NOS1: variants seen among roughly 807,000 people sequenced by gnomAD.
The protein encoded by NOS1 is nitric oxide synthase 1, also known as NOS type I.
A neutral mutation model predicts 164.5 loss-of-function variants in NOS1; 51 were observed. The ratio of observed to expected loss-of-function variants is 0.31; its 90% CI spans 0.25 to 0.39. NOS1 has a LOEUF of 0.39. Among genes scored for constraint, NOS1 ranks in the 10% least tolerant of loss-of-function variants. The pLI is 1.00. For missense variants in NOS1, 1,362 were observed against 1,885.6 expected, an observed-to-expected ratio of 0.72 and a Z score of 5.14; for synonymous variants, 719 against 745.8, an observed-to-expected ratio of 0.96 and a Z score of 0.59.
intron 21 of NOS1, among the ~76,000 whole-genome samples, chr12:117,233,459 A>G (rs1015410051): frequency 1.3e-5 from 2 of 151,784 alleles, no homozygotes; most frequent in Admixed American, 1.3e-4. Flanking sequence ...CAGCCTCCCA[A>G]AGTATTGGGA....
intron 22 of NOS1, among the ~76,000 whole-genome samples, chr12:117,230,611 T>C (rs577659606): frequency 2.0e-5 from 3 of 152,298 alleles, no homozygotes; most frequent in South Asian, 2.1e-4. Flanking sequence ...GGAGCCCCCA[T>C]TGGGAGCAGC....
intron 3 of NOS1, among the ~76,000 whole-genome samples, chr12:117,305,998 G>A (rs1874127001): frequency 6.6e-6 from 1 of 151,924 alleles, no homozygotes; most frequent in Non-Finnish European, 1.5e-5. Context: ...CACCATGTTG[G>A]CCACACTGGT....
At chr12:117,281,837 G>GA (rs11423140) in intron 7 of NOS1, among the ~76,000 whole-genome samples, 100,641 of 131,858 alleles carry the variant, frequency 0.76, 37,301 homozygotes, top group East Asian at 0.82. Flanking sequence ...CTCAAAAAAA[G>GA]AAAAAAAAAA....
chr12:117,210,038 T>C lies in NOS1; in HGVS notation c.*5271A>G, dbSNP rs554722045. ...CTCAGGCTGGAGTGCAGTGGTGCGA[T>C]CCTAGCTCACTGTCGCCTCAAACTC... On this transcript the variant is annotated 3_prime_UTR_variant, in exon 29 of 29. Coordinates refer to ENST00000317775, the MANE Select transcript of NOS1 (RefSeq NM_000620.5). 2 of 943,332 alleles carry C rather than the reference T, an allele frequency of 2.1e-6. No homozygotes were observed. The highest frequency in any genetic ancestry group is 3.5e-5 in the African/African-American group (2 of 56,446). 58.4% of individuals were successfully genotyped at this position (943,332 alleles called of 1,614,324 possible). A position where few individuals can be genotyped will look rare whatever the true frequency, so the allele number is the denominator to read the frequency against.
chr12:117,227,794 G>A (rs904657), intron 22 of NOS1, among the ~76,000 whole-genome samples, 153 bp from the exon 23 acceptor site: 27,977 of 152,028 alleles, frequency 0.18, 3,287 homozygotes, highest in Admixed American at 0.32. Flanking sequence ...TGGGGGGCCG[G>A]GGAGAGAGGA....
At chr12:117,239,956 C>T (rs985561996) in intron 20 of NOS1, among the ~76,000 whole-genome samples, 66 of 151,878 alleles carry the variant, frequency 4.3e-4, no homozygotes, top group African/African-American at 1.5e-3. Context: ...TCAGGTGCCT[C>T]CTCTGGATTG....
Position 117,227,572 on chromosome 12 carries a change from G to T in NOS1, c.3475C>A (p.Pro1159Thr), listed in dbSNP as rs563920841. ...PTIVEVLEEF[P>T]SIQMPATLLL... ...AGGGTGGCCGGCATCTGGATAGATG[G>T]GAACTCCTCCAGCACCTCCACGATG... Residue 1159 changes from proline to threonine, a missense_variant, in exon 23 of 29, where the codon CCA (proline) becomes ACA (threonine). Transcript: ENST00000317775. 1.7e-5 allele frequency: 27 copies of T among 1,613,878 alleles called. No individual in the cohort carries two copies. The African/African-American group carries it at 3.1e-4, about 18-fold the overall frequency.
intron 5 of NOS1, 134 bp downstream of exon 5, chr12:117,287,940 G>C: frequency 1.2e-6 from 1 of 863,568 alleles, no homozygotes; most frequent in Non-Finnish European, 1.8e-6. Flanking sequence ...GTGACCTATG[G>C]GTAGCCAGTC....
chr12:117,315,379 A>C (rs77681706), intron 2 of NOS1, among the ~76,000 whole-genome samples: 1 of 151,840 alleles, frequency 6.6e-6, no homozygotes, highest in Non-Finnish European at 1.5e-5. Context: ...AATTTTTAAA[A>C]TTTTTTTTAT....
rs1869568405 is a variant in NOS1 at position 117,234,874 on chromosome 12, C to A, written c.3042-116G>T. ...TCTCCTCCTTCCATTCTTGTTGGGG[C>A]CCGTGCTAACCAAGCCTATGCCCCC... On this transcript the variant is annotated intron_variant, in intron 20 of 28. Transcript: ENST00000317775. This position sits in a 1 kb window ranked among gnomAD's most constrained non-coding sequence, Gnocchi z 4.3. 7 of 724,108 alleles carry A rather than the reference C, an allele frequency of 9.7e-6. No homozygotes were observed. The East Asian group carries it at 1.1e-4, about 11-fold the overall frequency. 44.9% of individuals were successfully genotyped at this position (724,108 alleles called of 1,614,324 possible).
At chr12:117,226,251 C>T (rs1254750051) in intron 24 of NOS1, among the ~76,000 whole-genome samples, 1 of 152,096 alleles carries the variant, frequency 6.6e-6, no homozygotes, top group African/African-American at 2.4e-5. Flanking sequence ...TCAGCTATAG[C>T]CTTTACAGCT....
intron 1 of NOS1, among the ~76,000 whole-genome samples, chr12:117,334,537 C>T (rs372802825): frequency 1.3e-5 from 2 of 152,064 alleles, no homozygotes; most frequent in Admixed American, 6.5e-5. Context: ...GCTGGGATTA[C>T]GGCTCCCGCC....
chr12:117,233,808 CAAA>C (rs374050465), intron 21 of NOS1, among the ~76,000 whole-genome samples: 2 of 57,070 alleles, frequency 3.5e-5, no homozygotes, highest in Non-Finnish European at 3.6e-5. Context: ...AAGTCTGTCT[CAAA>C]AAAAAAAAAA....
At chr12:117,231,557 C>T (rs1869234055) in intron 22 of NOS1, among the ~76,000 whole-genome samples, 2 of 151,928 alleles carry the variant, frequency 1.3e-5, no homozygotes, top group African/African-American at 4.8e-5. Flanking sequence ...TACCTACCAA[C>T]CAAGTACCCA....
At chr12:117,290,496 G>T in intron 3 of NOS1, 70 bp from the exon 4 acceptor site, 1 of 1,515,418 alleles carries the variant, frequency 6.6e-7, no homozygotes, top group Non-Finnish European at 8.9e-7. Flanking sequence ...CTCCACAGAG[G>T]CTGGGAGAGC....
chr12:117,224,932 A>G (rs1868521557), intron 25 of NOS1, 84 bp downstream of exon 25: 3 of 1,572,124 alleles, frequency 1.9e-6, no homozygotes, highest in African/African-American at 1.3e-5. Context: ...AGACACCTTC[A>G]CTGTTCTCTA....
chr12:117,284,174 T>C (rs752839614), intron 7 of NOS1, among the ~76,000 whole-genome samples: 3 of 152,204 alleles, frequency 2.0e-5, no homozygotes, highest in Non-Finnish European at 4.4e-5. Flanking sequence ...ATGAACTCAG[T>C]GAAGCCCGGG....
Position 117,213,904 on chromosome 12 carries a change from C to T in NOS1, c.*1405G>A, listed in dbSNP as rs1956564956. ...AGAGAGTAAATTCAACAGGTTGCCT[C>T]TTAGGGAGGAATTACACCGGCTCCA... is the stretch of plus-strand genomic sequence containing the variant. On this transcript the variant is annotated 3_prime_UTR_variant, in exon 29 of 29. Coordinates refer to ENST00000317775, the MANE Select transcript of NOS1 (RefSeq NM_000620.5). The T allele has an allele frequency of 1.0e-6, 1 of 985,278 alleles. No individual in the cohort carries two copies. Among genetic ancestry groups the T allele is most frequent in the South Asian group, 4.7e-5 (1 of 21,290 alleles). The allele number at this position is 985,278 out of a possible 1,614,324, so 61.0% of individuals were successfully genotyped here.
chr12:117,224,636 T>A (rs182196179), intron 25 of NOS1, among the ~76,000 whole-genome samples: 51 of 152,270 alleles, frequency 3.3e-4, no homozygotes, highest in African/African-American at 1.2e-3. Context: ...TCTCTCTCTC[T>A]CCTCCCAAAG....
Sources: allele counts gnomAD v4.1 joint callset (sites outside exome capture counted in the v4.1 genomes callset), GRCh38; gene constraint gnomAD v4.1.1; non-coding constraint Gnocchi (gnomAD v3.1); transcripts MANE v1.5; gene names NCBI Gene and HGNC (gene_info 2026-07-23, HGNC 2026-07-21).